The following PCDH15 variants were observed in gnomAD, a reference collection of about 807,000 sequenced individuals.
PCDH15 encodes protocadherin related 15.
Under a neutral mutation model 178.5 loss-of-function variants are expected in PCDH15, and 129 were observed. That is an observed-to-expected ratio of 0.72 (90% confidence interval 0.63 to 0.84). The LOEUF (loss-of-function observed/expected upper bound fraction) is 0.84, where lower values mean the gene tolerates loss of function less well. Among genes scored for constraint, PCDH15 ranks in the 40% least tolerant of loss-of-function variants. The probability of loss-of-function intolerance (pLI) is 0.00; values close to 1 mark genes in which losing one functional copy is unlikely to be tolerated. For synonymous variants in PCDH15, 800 were observed against 732.0 expected (o/e 1.09, Z -1.50); for missense variants, 2,230 against 2,099.9 (o/e 1.06, Z -1.21).
At chr10:54,467,607 T>A (rs1279592545) in intron 3 of PCDH15, among the ~76,000 whole-genome samples, 1 of 146,820 alleles carries the variant, frequency 6.8e-6, no homozygotes, top group Non-Finnish European at 1.5e-5. Flanking sequence ...TGTAGTTTTT[T>A]TTTTTTTTTT....
At position 55,314,894 on chromosome 10, in the gene PCDH15, A is replaced by G. The variant is rs186143453; in HGVS notation, c.-156+4705T>C. 5.3e-5 allele frequency among the ~76,000 whole-genome samples: 8 copies of G among 152,290 alleles called. No individual in the cohort carries two copies. In the East Asian group the frequency reaches 9.6e-4, roughly 18 times the overall value. ...GAGTGAGATGACTGTAATGTTGGATATTGTTTCACAATGAATTAAAATAAT... is the reference window on the plus strand; with the variant it reads ...GAGTGAGATGACTGTAATGTTGGATGTTGTTTCACAATGAATTAAAATAAT... On this transcript the variant is annotated intron_variant, in intron 1 of 5. Coordinates refer to the PCDH15 transcript ENST00000458638.
intron 25 of PCDH15, among the ~76,000 whole-genome samples, chr10:53,933,509 T>A (rs1429140107): frequency 6.6e-6 from 1 of 152,078 alleles, no homozygotes. Context: ...GAACTCATCC[T>A]TTTTTATGGC....
chr10:54,445,865 A>G (rs1251066759), intron 3 of PCDH15, among the ~76,000 whole-genome samples: 1 of 151,586 alleles, frequency 6.6e-6, no homozygotes, highest in Non-Finnish European at 1.5e-5. Flanking sequence ...TCTTTTCCAA[A>G]AGGACTTAAT....
intron 28 of PCDH15, among the ~76,000 whole-genome samples, chr10:53,854,708 C>A (rs1589108261): frequency 2.0e-5 from 3 of 152,050 alleles, no homozygotes; most frequent in African/African-American, 7.2e-5. Context: ...GAGCTGCTAG[C>A]TCCATTTATA....
intron 3 of PCDH15, among the ~76,000 whole-genome samples, chr10:54,413,220 C>T (rs879667775): frequency 2.6e-5 from 4 of 152,072 alleles, no homozygotes; most frequent in African/African-American, 4.8e-5. Context: ...AGACAAGTAA[C>T]GAAGGGCCTT....
intron 2 of PCDH15, among the ~76,000 whole-genome samples, chr10:54,618,886 T>C (rs921183000): frequency 1.3e-5 from 2 of 152,004 alleles, no homozygotes; most frequent in African/African-American, 4.8e-5. Context: ...CAGCATGTTA[T>C]TCCATATGGA....
rs79947940 is a variant in PCDH15, at chr10:54,665,567, C to T, written c.-28-1277G>A. Among the ~76,000 whole-genome samples the T allele has an allele frequency of 1.4e-3, 220 of 151,908 alleles. 2 individuals are homozygous for T. The highest frequency in any genetic ancestry group is 5.1e-3 in the African/African-American group (210 of 41,470). On this transcript the variant is annotated intron_variant, in intron 1 of 37. Coordinates refer to ENST00000644397, the MANE Select transcript of PCDH15 (RefSeq NM_001384140.1). ...AAGTATTTAATAATGTTTATTTGTC[C>T]AGCAGCATGTATAAATATATATATT... is the stretch of plus-strand genomic sequence containing the variant.
intron 2 of PCDH15, among the ~76,000 whole-genome samples, chr10:55,064,668 G>A (rs1235705556): frequency 1.3e-5 from 2 of 152,022 alleles, no homozygotes; most frequent in East Asian, 3.9e-4. Context: ...AAGGTACTAT[G>A]AGCCAAAAGA....
At chr10:54,093,748 T>C (rs2094643294) in intron 15 of PCDH15, among the ~76,000 whole-genome samples, 2 of 152,182 alleles carry the variant, frequency 1.3e-5, no homozygotes, top group African/African-American at 4.8e-5. Flanking sequence ...AAAATGCATA[T>C]GACTTCAATT....
chr10:54,299,603 G>A (rs567735506), intron 8 of PCDH15, among the ~76,000 whole-genome samples: 1 of 152,202 alleles, frequency 6.6e-6, no homozygotes, highest in Non-Finnish European at 1.5e-5. Flanking sequence ...TTCCAAACAG[G>A]GATCTAAATC....
intron 2 of PCDH15, among the ~76,000 whole-genome samples, chr10:55,346,222 T>G (rs1291808130): frequency 1.3e-5 from 2 of 152,128 alleles, no homozygotes; most frequent in African/African-American, 4.8e-5. Flanking sequence ...GTTATAGATA[T>G]TTAAAAAGTA....
At chr10:54,675,496 ACTCT>A (rs559847906) in intron 1 of PCDH15, among the ~76,000 whole-genome samples, 350 of 141,328 alleles carry the variant, frequency 2.5e-3, no homozygotes, top group African/African-American at 6.2e-3. Flanking sequence ...CTAATTTTTA[ACTCT>A]CTCTATTTAT....
At chr10:55,159,838 T>C (rs896425102) in intron 2 of PCDH15, among the ~76,000 whole-genome samples, 7 of 149,816 alleles carry the variant, frequency 4.7e-5, no homozygotes, top group African/African-American at 1.7e-4. Context: ...TCTTTGTTTA[T>C]CCTTTTGCAA....
At chr10:54,255,804 A>G (rs1280214178) in intron 8 of PCDH15, among the ~76,000 whole-genome samples, 1 of 152,148 alleles carries the variant, frequency 6.6e-6, no homozygotes, top group Admixed American at 6.6e-5. Context: ...ATCATATATA[A>G]TCTGTCCTGG....
chr10:55,545,239 T>A (rs1403710469), intron 2 of PCDH15, among the ~76,000 whole-genome samples: 1 of 150,766 alleles, frequency 6.6e-6, no homozygotes, highest in East Asian at 2.0e-4. Flanking sequence ...GAATTTCAAC[T>A]AATATGGAAA....
At chr10:53,809,440 T>C (rs1196085933) in intron 37 of PCDH15, 2 of 1,614,034 alleles carry the variant, frequency 1.2e-6, no homozygotes, top group South Asian at 2.2e-5. Context: ...CCATGTTGTG[T>C]ATGTAGGCTC....
At position 55,065,393 on chromosome 10, in the gene PCDH15, C is replaced by T. The variant is rs573485462; in HGVS notation, c.-80+101183G>A. On this transcript the variant is annotated intron_variant, in intron 2 of 5. Coordinates refer to the PCDH15 transcript ENST00000458638. ...TGTTGACTTTGAATCATTCAGGTTT[C>T]GGTTCAAAGGTCCCCTCCTTAGAAA... Among the ~76,000 whole-genome samples the T allele has an allele frequency of 7.9e-5, 12 of 152,066 alleles. No individual in the cohort carries two copies. In the South Asian group the frequency reaches 2.5e-3, roughly 32 times the overall value.
chr10:54,963,829 T>C (rs935243343), intron 2 of PCDH15, among the ~76,000 whole-genome samples: 3 of 152,222 alleles, frequency 2.0e-5, no homozygotes, highest in Non-Finnish European at 4.4e-5. Context: ...GGTGTTGTTC[T>C]AGGTCCCATT....
intron 1 of PCDH15, among the ~76,000 whole-genome samples, chr10:55,221,824 A>T (rs1248381696): frequency 2.6e-5 from 4 of 151,960 alleles, no homozygotes; most frequent in Admixed American, 6.5e-5. Flanking sequence ...TTTCCTTTTT[A>T]AAATGTTTAT....
Sources: allele counts gnomAD v4.1 joint callset (sites outside exome capture counted in the v4.1 genomes callset), GRCh38; gene constraint gnomAD v4.1.1; transcripts MANE v1.5; gene names NCBI Gene and HGNC (gene_info 2026-07-23, HGNC 2026-07-21).